The following WNK1 variants were observed in gnomAD, a reference collection of about 807,000 sequenced individuals.
WNK1 encodes the protein serine/threonine-protein kinase WNK1.
A neutral mutation model predicts 222.8 loss-of-function variants in WNK1; 38 were observed. The observed-to-expected ratio is 0.17, with a 90% CI of 0.13 to 0.22. The LOEUF is 0.22. WNK1 is among the 10% of genes least tolerant of loss of function. The probability of loss-of-function intolerance (pLI) is 1.00; values close to 1 mark genes in which losing one functional copy is unlikely to be tolerated. For missense variants in WNK1, 2,348 were observed against 2,918.4 expected (o/e 0.80, Z 4.50); for synonymous variants, 1,090 against 1,092.9 (o/e 1.00, Z 0.05).
intron 4 of WNK1, among the ~76,000 whole-genome samples, chr12:850,619 G>T (rs927307844): frequency 9.2e-5 from 14 of 152,148 alleles, no homozygotes; most frequent in Non-Finnish European, 1.5e-5. Flanking sequence ...ATTGCTTTTG[G>T]TGTTTTAGAC....
rs1253087691 is a variant in WNK1, at chr12:884,307, T to G, written c.3844+64T>G. 6 of 1,607,770 alleles carry G rather than the reference T, an allele frequency of 3.7e-6. No homozygotes were observed. The highest frequency in any genetic ancestry group is 2.2e-5 in the East Asian group (1 of 44,798). ...ACAGTGCCTCTGCTATGTTGAAAGC[T>G]TAATCATAAAGCAGTAATTTATGAT... On this transcript the variant is annotated intron_variant, in intron 18 of 27. Transcript: ENST00000315939. This position sits in a 1 kb window ranked among gnomAD's most constrained non-coding sequence, Gnocchi z 5.6.
At chr12:812,169 C>A (rs1489449289) in intron 1 of WNK1, among the ~76,000 whole-genome samples, 17 of 152,112 alleles carry the variant, frequency 1.1e-4, no homozygotes, top group Admixed American at 1.1e-3. Context: ...GGGACCTTTG[C>A]AAGTTGATCA....
chr12:785,405 C>T (rs11064533), intron 1 of WNK1, among the ~76,000 whole-genome samples: 3,184 of 118,278 alleles, frequency 0.027, 94 homozygotes, highest in Non-Finnish European at 0.039. Context: ...TTCTCCCCCC[C>T]CCCCACCCCC....
intron 26 of WNK1, chr12:906,604 G>A (rs1955722490): frequency 1.0e-6 from 1 of 985,290 alleles, no homozygotes. Flanking sequence ...CTTTCCTCAT[G>A]AATAATCTTG....
intron 1 of WNK1, among the ~76,000 whole-genome samples, chr12:800,404 G>GT (rs1168208115): frequency 1.3e-5 from 2 of 151,728 alleles, no homozygotes; most frequent in Admixed American, 6.6e-5. Context: ...TAGCATTCAG[G>GT]TTTTTTTGCT....
chr12:905,853 T>A (rs1348106335), intron 26 of WNK1, among the ~76,000 whole-genome samples: 1 of 152,196 alleles, frequency 6.6e-6, no homozygotes, highest in Non-Finnish European at 1.5e-5. Flanking sequence ...CCCTTGTGGC[T>A]CCAGCAGACA....
Position 911,446 on chromosome 12 carries a change from T to TTG in WNK1, c.*2656_*2657dup. ...CCATTCAAATAAACCAAACTTGCTT[T>TTG]TGTTGAGCTGTGGGGTTTCATTTCC... On this transcript the variant is annotated 3_prime_UTR_variant, in exon 28 of 28. Transcript: ENST00000315939. 7.5e-6 allele frequency: 3 copies of TTG among 398,582 alleles called. No individual in the cohort carries two copies. Among genetic ancestry groups the TTG allele is most frequent in the Non-Finnish European group, 8.8e-6 (2 of 226,044 alleles). The allele number at this position is 398,582 out of a possible 1,614,324, so 24.7% of individuals were successfully genotyped here.
intron 4 of WNK1, among the ~76,000 whole-genome samples, chr12:838,078 AGTGTGT>A (rs3072742): frequency 3.0e-3 from 446 of 148,722 alleles, no homozygotes; most frequent in Middle Eastern, 0.01. Context: ...GTAATATTCC[AGTGTGT>A]GTGTGTGTGT....
chr12:867,670 T>C (rs1951787337), intron 8 of WNK1: 3 of 620,630 alleles, frequency 4.8e-6, no homozygotes, highest in Non-Finnish European at 8.3e-6. Context: ...AGCCCACAGA[T>C]TGATTTCATT....
intron 4 of WNK1, among the ~76,000 whole-genome samples, chr12:847,652 A>G (rs1222703338): frequency 1.3e-5 from 2 of 152,064 alleles, no homozygotes; most frequent in African/African-American, 4.8e-5. Context: ...TTGTTTTACC[A>G]TTGATTCGGC....
chr12:889,589 C>T (rs572417301), intron 21 of WNK1, among the ~76,000 whole-genome samples: 3 of 152,242 alleles, frequency 2.0e-5, no homozygotes, highest in South Asian at 2.1e-4. Context: ...GAGGCCGAGG[C>T]GGGCGGATCA....
chr12:778,759 C>A (rs1288326358), intron 1 of WNK1, among the ~76,000 whole-genome samples: 3 of 150,982 alleles, frequency 2.0e-5, no homozygotes, highest in Admixed American at 1.3e-4. Context: ...AAGGACAGTA[C>A]ATGTAAACTC....
At position 861,106 on chromosome 12, in the gene WNK1, C is replaced by T; in HGVS notation, c.1714C>T (p.Arg572Trp). The T allele has an allele frequency of 6.2e-7, 1 of 1,613,338 alleles. No homozygotes were observed. The highest frequency in any genetic ancestry group is 8.5e-7 in the Non-Finnish European group (1 of 1,179,882). ...VSLIKRKREQRQLVREEQEKK... is the reference protein window; with the variant it reads ...VSLIKRKREQWQLVREEQEKK... Reference sequence around the variant, plus strand: ...ATTAATTAAGAGGAAACGAGAGCAGCGGCAGTTGGTACGGGAGGAGCAAGA... The same window carrying T: ...ATTAATTAAGAGGAAACGAGAGCAGTGGCAGTTGGTACGGGAGGAGCAAGA... The change falls in exon 7 of 28, where the codon CGG becomes TGG. Residue 572 changes from arginine to tryptophan, a missense_variant. By Grantham distance (101) the Arg-to-Trp change is moderately radical (BLOSUM62 -3). Around this residue, in one of 13 missense-constraint regions of WNK1, gnomAD observed 103 missense variants for 111.5 expected, o/e 0.92. Transcript: ENST00000315939.
intron 23 of WNK1, 59 bp from the exon 24 acceptor site, chr12:896,008 TTGTC>T: frequency 6.2e-7 from 1 of 1,603,434 alleles, no homozygotes. Context: ...CTTTTTTAAA[TTGTC>T]TGTGATAGAA....
In WNK1 at chr12:884,551, A is replaced by C. The variant is rs1200184558; in HGVS notation, c.3845-98A>C. 1 of 1,274,608 alleles carries C rather than the reference A, an allele frequency of 7.8e-7. No individual in the cohort carries two copies. The highest frequency in any genetic ancestry group is 1.1e-6 in the Non-Finnish European group (1 of 893,714). 79.0% of individuals were successfully genotyped at this position (1,274,608 alleles called of 1,614,324 possible). ...AGATTACTCCATATTTTTTATCAAAAACAGATATTTATAGGAGCTGACTTA... is the reference window on the plus strand; with the variant it reads ...AGATTACTCCATATTTTTTATCAAACACAGATATTTATAGGAGCTGACTTA... On this transcript the variant is annotated intron_variant, in intron 18 of 27. Transcript: ENST00000315939. This position sits in a 1 kb window ranked among gnomAD's most constrained non-coding sequence, Gnocchi z 5.6.
chr12:762,677 A>T (rs1189419156), intron 1 of WNK1, among the ~76,000 whole-genome samples: 1 of 147,556 alleles, frequency 6.8e-6, no homozygotes, highest in African/African-American at 2.4e-5. Context: ...AAAGGCATAC[A>T]GGGGGAAGTG....
At position 756,383 on chromosome 12, in the gene WNK1, A is replaced by G. The variant is rs139087876; in HGVS notation, c.759+2059A>G. Among the ~76,000 whole-genome samples the G allele has an allele frequency of 2.3e-4, 35 of 152,318 alleles. No individual in the cohort carries two copies. In the East Asian group the frequency reaches 5.2e-3, roughly 23 times the overall value. ...AATGTCACGATAAAAACTTTGTCCA[A>G]GCTTCTCAGGTTTTCTTAGAACTCG... On this transcript the variant is annotated intron_variant, in intron 1 of 27. Coordinates refer to ENST00000315939, the MANE Select transcript of WNK1 (RefSeq NM_018979.4).
chr12:754,940 A>G (rs1189363311), intron 1 of WNK1, among the ~76,000 whole-genome samples: 1 of 152,254 alleles, frequency 6.6e-6, no homozygotes, highest in Non-Finnish European at 1.5e-5. Context: ...CTTTCAGCCC[A>G]TTCACTATAC....
At chr12:763,058 T>A (rs1031299001) in intron 1 of WNK1, among the ~76,000 whole-genome samples, 1 of 147,240 alleles carries the variant, frequency 6.8e-6, no homozygotes, top group Non-Finnish European at 1.5e-5. Flanking sequence ...TATTTTTATC[T>A]TTTGGTTCTG....
Sources: allele counts gnomAD v4.1 joint callset (sites outside exome capture counted in the v4.1 genomes callset), GRCh38; gene constraint gnomAD v4.1.1; regional missense constraint gnomAD v4.1.1; non-coding constraint Gnocchi (gnomAD v3.1); transcripts MANE v1.5; gene names NCBI Gene and HGNC (gene_info 2026-07-23, HGNC 2026-07-21).